LIG1: variants seen among roughly 807,000 people sequenced by gnomAD.
LIG1 encodes DNA ligase 1.
A neutral mutation model predicts 115.7 loss-of-function variants in LIG1; 70 were observed. The observed-to-expected ratio is 0.60, with a 90% CI of 0.50 to 0.74. The LOEUF is 0.74. Among genes scored for constraint, LIG1 ranks in the 30% least tolerant of loss-of-function variants. The probability of loss-of-function intolerance (pLI) is 0.00; values close to 1 mark genes in which losing one functional copy is unlikely to be tolerated. For synonymous variants in LIG1, 487 were observed against 495.3 expected, an observed-to-expected ratio of 0.98 and a Z score of 0.22; for missense variants, 1,115 against 1,225.6, an observed-to-expected ratio of 0.91 and a Z score of 1.35.
chr19:48,170,131 C>G (rs1448504104), intron 1 of LIG1, 110 bp downstream of exon 1: 1 of 437,946 alleles, frequency 2.3e-6, no homozygotes, highest in Non-Finnish European at 4.6e-6. Context: ...CCTCAGCGTC[C>G]CCACGCCCAC....
chr19:48,136,271 A>T (rs928086268), intron 14 of LIG1, 146 bp from the exon 15 acceptor site: 34 of 642,862 alleles, frequency 5.3e-5, no homozygotes, highest in Non-Finnish European at 8.4e-5. Context: ...GGGACCCCAG[A>T]TATCACACAG....
At chr19:48,141,524 C>T (rs970564314) in intron 11 of LIG1, among the ~76,000 whole-genome samples, 2 of 152,160 alleles carry the variant, frequency 1.3e-5, no homozygotes, top group African/African-American at 4.8e-5. Context: ...AACAGAGGCA[C>T]CGAAAGAGTC....
At chr19:48,117,870 G>C in intron 25 of LIG1, 89 bp from the exon 26 acceptor site, 10 of 1,378,374 alleles carry the variant, frequency 7.3e-6, no homozygotes, top group South Asian at 1.2e-5. Flanking sequence ...GGGAGGAAGG[G>C]AAAAAAACAG....
intron 19 of LIG1, among the ~76,000 whole-genome samples, chr19:48,128,642 CCTGT>C (rs1184457629): frequency 3.9e-5 from 6 of 152,224 alleles, no homozygotes; most frequent in African/African-American, 1.4e-4. Flanking sequence ...AACCCCTGCC[CCTGT>C]CTGTCTCCTC....
At chr19:48,128,509 G>A (rs533289934) in intron 19 of LIG1, among the ~76,000 whole-genome samples, 10 of 152,304 alleles carry the variant, frequency 6.6e-5, no homozygotes, top group African/African-American at 2.2e-4. Context: ...AGCCTGGGTC[G>A]TCCCTCGCCT....
chr19:48,160,889 C>T (rs1477418186), intron 4 of LIG1, among the ~76,000 whole-genome samples: 1 of 152,104 alleles, frequency 6.6e-6, no homozygotes, highest in Non-Finnish European at 1.5e-5. Context: ...TGCACCACCA[C>T]ACCTGGCTAA....
Position 48,161,635 on chromosome 19 carries a change from T to C in LIG1, c.108-128A>G. On this transcript the variant is annotated intron_variant, in intron 3 of 27. Coordinates refer to ENST00000263274, the MANE Select transcript of LIG1 (RefSeq NM_000234.3). ...TTTCAAGCATCCAATGAACATTTTCTGGTTGTCTCCTCAGCAAATCTCATC... is the reference window on the plus strand; with the variant it reads ...TTTCAAGCATCCAATGAACATTTTCCGGTTGTCTCCTCAGCAAATCTCATC... 4 of 1,135,868 alleles carry C rather than the reference T, an allele frequency of 3.5e-6. No homozygotes were observed. In the South Asian group the frequency reaches 5.4e-5, roughly 15 times the overall value. The allele number at this position is 1,135,868 out of a possible 1,614,324, so 70.4% of individuals were successfully genotyped here. A position where few individuals can be genotyped will look rare whatever the true frequency, so the allele number is the denominator to read the frequency against.
At chr19:48,161,713 C>G (rs947428081) in intron 3 of LIG1, among the ~76,000 whole-genome samples, 1 of 152,266 alleles carries the variant, frequency 6.6e-6, no homozygotes. Context: ...CTCACCCACC[C>G]ATCACACATC....
At chr19:48,163,091 T>G (rs2036278274) in intron 2 of LIG1, among the ~76,000 whole-genome samples, 2 of 151,774 alleles carry the variant, frequency 1.3e-5, no homozygotes, top group South Asian at 4.2e-4. Context: ...ATTTTTTTTG[T>G]ATTTTTGGTA....
intron 9 of LIG1, 67 bp downstream of exon 9, chr19:48,149,696 G>GACC: frequency 8.0e-7 from 1 of 1,250,706 alleles, no homozygotes; most frequent in Non-Finnish European, 1.2e-6. Flanking sequence ...GCTGGGGGTG[G>GACC]GGCTGTCGGA....
chr19:48,120,368 A>G, intron 24 of LIG1: 3 of 985,398 alleles, frequency 3.0e-6, no homozygotes, highest in African/African-American at 1.7e-5. Flanking sequence ...AATTACTCAT[A>G]GAGAAGGATC....
At chr19:48,129,612 A>C (rs1042392199) in intron 19 of LIG1, among the ~76,000 whole-genome samples, 1 of 152,184 alleles carries the variant, frequency 6.6e-6, no homozygotes, top group Non-Finnish European at 1.5e-5. Context: ...CTAGTGCCAT[A>C]TTATACCACC....
Position 48,162,375 on chromosome 19 carries a change from A to C in LIG1, c.18-24T>G, listed in dbSNP as rs749966653. The C allele has an allele frequency of 5.2e-6, 8 of 1,539,012 alleles. No homozygotes were observed. The African/African-American group carries it at 9.6e-5, about 18-fold the overall frequency. On this transcript the variant is annotated intron_variant, in intron 2 of 27. Coordinates refer to ENST00000263274, the MANE Select transcript of LIG1 (RefSeq NM_000234.3). Reference sequence around the variant, plus strand: ...ACCTAGAGGAGCATAAAAGGGGGTAAAAAAAGGAGAATAACAGCACCAATA... The same window carrying C: ...ACCTAGAGGAGCATAAAAGGGGGTACAAAAAGGAGAATAACAGCACCAATA...
intron 4 of LIG1, among the ~76,000 whole-genome samples, chr19:48,158,081 C>G (rs181740132): frequency 3.9e-4 from 59 of 152,318 alleles, no homozygotes; most frequent in Middle Eastern, 3.4e-3. Context: ...CCTTCACCTT[C>G]CACCATGACT....
intron 6 of LIG1, among the ~76,000 whole-genome samples, chr19:48,152,045 G>A (rs534165823): frequency 6.6e-6 from 1 of 152,122 alleles, no homozygotes; most frequent in African/African-American, 2.4e-5. Context: ...GGCCACCCCC[G>A]CCACCCCTCA....
At chr19:48,166,085 T>C (rs2036466555) in intron 1 of LIG1, among the ~76,000 whole-genome samples, 1 of 152,190 alleles carries the variant, frequency 6.6e-6, no homozygotes, top group South Asian at 2.1e-4. Flanking sequence ...GAGTGTGTGC[T>C]ACTGAACTGT....
chr19:48,127,437 CCT>C, intron 20 of LIG1, 89 bp from the exon 21 acceptor site: 1 of 1,156,194 alleles, frequency 8.6e-7, no homozygotes, highest in Non-Finnish European at 1.2e-6. Context: ...TACCGGTCTC[CCT>C]CTCGCCCCAC....
intron 9 of LIG1, 88 bp downstream of exon 9, chr19:48,149,675 A>C: frequency 9.9e-7 from 1 of 1,009,150 alleles, no homozygotes; most frequent in Non-Finnish European, 1.5e-6. Flanking sequence ...CTGCAAGAGG[A>C]GGAAGCCTGA....
intron 25 of LIG1, chr19:48,118,027 A>G: frequency 1.8e-6 from 1 of 569,568 alleles, no homozygotes; most frequent in Non-Finnish European, 3.1e-6. Context: ...AAGTTGAGAA[A>G]GGTGGGAGTT....
Sources: gnomAD v4.1 joint callset for allele counts (sites outside exome capture counted in the v4.1 genomes callset) on GRCh38, gnomAD v4.1.1 for gene constraint, MANE v1.5 for transcripts, NCBI Gene and HGNC (gene_info 2026-07-23, HGNC 2026-07-21) for gene names.